TPM4: variants seen among roughly 807,000 people sequenced by gnomAD.
TPM4 encodes the protein tropomyosin 4.
TPM4 carries 17 observed loss-of-function variants against 35.8 expected under a neutral mutation model. The observed-to-expected ratio is 0.47, with a 90% CI of 0.32 to 0.71. TPM4 has a LOEUF of 0.71. TPM4 is among the 30% of genes least tolerant of loss of function. The pLI is 0.03. For synonymous variants in TPM4, 120 were observed against 122.9 expected (o/e 0.98, Z 0.15); for missense variants, 240 against 320.9 (o/e 0.75, Z 1.93).
At chr19:16,074,470 T>A (rs997680191), upstream of TPM4, 6 of 152,224 alleles carry the variant, frequency 3.9e-5, no homozygotes, top group African/African-American at 1.4e-4. Context: ...CATAAGGGCC[T>A]TAATCCCATC....
chr19:16,099,473 A>G (rs867834069), intron 7 of TPM4, among the ~76,000 whole-genome samples: 1 of 152,104 alleles, frequency 6.6e-6, no homozygotes, highest in Middle Eastern at 3.4e-3. Context: ...AGTCCCAGCT[A>G]CTTGGGAGGC....
At chr19:16,082,179 GAC>G in intron 2 of TPM4, 133 bp downstream of exon 2, 1 of 1,234,454 alleles carries the variant, frequency 8.1e-7, no homozygotes, top group African/African-American at 1.5e-5. Flanking sequence ...AAAAGTGCAT[GAC>G]AGCACTTTGT....
At chr19:16,095,522 A>G in intron 7 of TPM4, 2 of 1,017,006 alleles carry the variant, frequency 2.0e-6, no homozygotes, top group South Asian at 9.3e-5. Context: ...ATGCCCCCTC[A>G]TTCTCATTTT....
Position 16,067,649 on chromosome 19 carries a change from C to T in TPM4, c.25C>T (p.Gln9Ter). The change falls in exon 2 of 3, where the codon CAG becomes TAG. Residue 9 changes from glutamine (Q) to a stop codon, truncating the protein, a stop_gained. Coordinates refer to the TPM4 transcript ENST00000589897. LOFTEE classifies it high-confidence loss of function. The surrounding 1 kb of genome is among the most constrained non-coding windows in gnomAD (Gnocchi z 4.1). ...CATGGAGGCCATCAAGAAGAAAATG[C>T]AGATGCTGAAGTTGGACAAGGAGAA... The T allele has an allele frequency of 6.2e-7, 1 of 1,613,662 alleles. No homozygotes were observed. Among genetic ancestry groups the T allele is most frequent in the South Asian group, 1.1e-5 (1 of 91,042 alleles).
Position 16,082,990 on chromosome 19 carries a change from CAAAAAAAAAAAA to C in TPM4, c.266+957_266+968del, listed in dbSNP as rs1195606325. On this transcript the variant is annotated intron_variant, in intron 2 of 7. Coordinates refer to ENST00000643579, the MANE Select transcript of TPM4 (RefSeq NM_003290.3). ...CTCAGTGACAGATGAGATTCTGTCT[CAAAAAAAAAAAA>C]AAAAAAAAAAAAGCAGAGTACTGTG... 9.1e-3 allele frequency among the ~76,000 whole-genome samples: 572 copies of C among 62,918 alleles called. 4 individuals carry two copies. Among genetic ancestry groups the C allele is most frequent in the South Asian group, 0.035 (65 of 1,860 alleles). 41.3% of individuals were successfully genotyped at this position (62,918 alleles called of 152,430 possible). A position where few individuals can be genotyped will look rare whatever the true frequency, so the allele number is the denominator to read the frequency against.
intron 7 of TPM4, among the ~76,000 whole-genome samples, chr19:16,095,042 C>T (rs1185401513): frequency 6.6e-6 from 1 of 152,174 alleles, no homozygotes; most frequent in Non-Finnish European, 1.5e-5. Flanking sequence ...TTCATTGTGG[C>T]TAATCCCCCT....
At chr19:16,069,568 G>GGTTGTA (rs1294831390) in intron 2 of TPM4, among the ~76,000 whole-genome samples, 9 of 27,382 alleles carry the variant, frequency 3.3e-4, no homozygotes, top group Admixed American at 2.4e-3. Flanking sequence ...GTTTCTATTG[G>GGTTGTA]TGTGTGTGTT....
chr19:16,098,096 A>C lies in TPM4; in HGVS notation c.665-3168A>C, dbSNP rs534631025. Among the ~76,000 whole-genome samples, 5 of 152,290 alleles carry C rather than the reference A, an allele frequency of 3.3e-5. No homozygotes were observed. The South Asian group carries it at 1.0e-3, about 32-fold the overall frequency. ...ACTCCACCCTTTGAAGTAACTATGC[A>C]GCCTGTCTATCCAGTTATTCTACCT... On this transcript the variant is annotated intron_variant, in intron 7 of 7. Coordinates refer to ENST00000643579, the MANE Select transcript of TPM4 (RefSeq NM_003290.3).
intron 7 of TPM4, chr19:16,100,458 C>G (rs1295639989): frequency 1.3e-5 from 2 of 152,210 alleles, no homozygotes; most frequent in African/African-American, 4.8e-5. Flanking sequence ...TTTTATCTTA[C>G]AACTGTGACT....
At position 16,076,668 on chromosome 19, in the gene TPM4, C is replaced by A; in HGVS notation, c.103C>A (p.Leu35Met). The change falls in exon 1 of 8, where the codon CTG becomes ATG. Residue 35 changes from leucine to methionine, a missense_variant. Physicochemically the swap from Leu to Met is conservative, Grantham distance 15. Transcript: ENST00000643579. ...CCGCGCGCAGGGCCTGCAGCGGGAG[C>A]TGGACGGCGAGCGCGAGCGGCGCGA... Reference protein sequence around the residue: ...EDRAQGLQRELDGERERREKA... With the variant: ...EDRAQGLQREMDGERERREKA... 1 of 1,401,840 alleles carries A rather than the reference C, an allele frequency of 7.1e-7. No homozygotes were observed. The highest frequency in any genetic ancestry group is 2.6e-4 in the Middle Eastern group (1 of 3,864). 86.8% of individuals were successfully genotyped at this position (1,401,840 alleles called of 1,614,324 possible).
chr19:16,095,431 C>A, intron 7 of TPM4: 1 of 1,029,572 alleles, frequency 9.7e-7, no homozygotes, highest in East Asian at 6.1e-5. Context: ...GGTGGCCTGC[C>A]TTCTGGTTTG....
In TPM4 at chr19:16,089,085, A is replaced by G; in HGVS notation, c.496A>G (p.Asn166Asp). The G allele has an allele frequency of 6.2e-7, 1 of 1,614,080 alleles. No homozygotes were observed. The highest frequency in any genetic ancestry group is 8.5e-7 in the Non-Finnish European group (1 of 1,180,016). The change falls in exon 5 of 8, where the codon AAC becomes GAC. Residue 166 changes from asparagine to aspartate, a missense_variant. Coordinates refer to ENST00000643579, the MANE Select transcript of TPM4 (RefSeq NM_003290.3). ...GGAAGAAGAACTCAAGAATGTTACT[A>G]ACAATCTGAAATCTCTGGAGGCTGC... Reference protein sequence around the residue: ...DLEEELKNVTNNLKSLEAASE... With the variant: ...DLEEELKNVTDNLKSLEAASE...
chr19:16,074,925 C>G (rs1310806360), upstream of TPM4: 2 of 152,244 alleles, frequency 1.3e-5, no homozygotes, highest in East Asian at 1.9e-4. Flanking sequence ...AACCCTGTCT[C>G]TACTGAAAAT....
At chr19:16,087,248 C>G (rs1264854322) in intron 3 of TPM4, among the ~76,000 whole-genome samples, 1 of 152,132 alleles carries the variant, frequency 6.6e-6, no homozygotes, top group Non-Finnish European at 1.5e-5. Context: ...CGCCACTGCA[C>G]TCCAGCCTTG....
intron 4 of TPM4, 161 bp from the exon 5 acceptor site, chr19:16,088,884 A>G: frequency 6.9e-7 from 1 of 1,444,570 alleles, no homozygotes; most frequent in South Asian, 1.4e-5. Flanking sequence ...ATAGTATCAC[A>G]CTGCAGAAAA....
At position 16,095,495 on chromosome 19, in the gene TPM4, G is replaced by A. The variant is rs545269793; in HGVS notation, c.664+1742G>A. On this transcript the variant is annotated intron_variant, in intron 7 of 7. Coordinates refer to ENST00000643579, the MANE Select transcript of TPM4 (RefSeq NM_003290.3). ...GTGACTCTACAACCGAAATAAAGAC[G>A]GGCAGTCCTCCTCTTCATGCCCCCT... 123 of 1,021,214 alleles carry A rather than the reference G, an allele frequency of 1.2e-4. 1 individual carries two copies. Among genetic ancestry groups the A allele is most frequent in the African/African-American group, 5.1e-4 (30 of 58,648 alleles). 63.3% of individuals were successfully genotyped at this position (1,021,214 alleles called of 1,614,324 possible).
At chr19:16,074,507 C>T (rs912796564), upstream of TPM4, 1 of 152,206 alleles carries the variant, frequency 6.6e-6, no homozygotes, top group Non-Finnish European at 1.5e-5. Flanking sequence ...CATGACCTCA[C>T]CCAAACCTCA....
upstream of TPM4, chr19:16,076,312 C>G (rs2090404419): frequency 1.3e-6 from 2 of 1,506,518 alleles, no homozygotes; most frequent in Non-Finnish European, 1.8e-6. Context: ...AAATAAGTCC[C>G]GAAAAGGGGC....
rs377622341 is a variant in TPM4, at chr19:16,101,844, G to A, written c.*498G>A. 5 of 227,216 alleles carry A rather than the reference G, an allele frequency of 2.2e-5. No homozygotes were observed. In the Admixed American group the frequency reaches 2.8e-4, roughly 13 times the overall value. 14.1% of individuals were successfully genotyped at this position (227,216 alleles called of 1,614,324 possible). ...GCCAATAAAAGGACTGGTGGGGGCC[G>A]GGGGTGGCTATTGTGGGAAGTCATA... On this transcript the variant is annotated 3_prime_UTR_variant, in exon 8 of 8. Transcript: ENST00000643579.
Sources: gnomAD v4.1 joint callset for allele counts (sites outside exome capture counted in the v4.1 genomes callset) on GRCh38, gnomAD v4.1.1 for gene constraint, Gnocchi (gnomAD v3.1) non-coding constraint, MANE v1.5 for transcripts, NCBI Gene and HGNC (gene_info 2026-07-23, HGNC 2026-07-21) for gene names.